Variants in FNIP2 observed in about 807,000 individuals in gnomAD.
FNIP2 encodes the protein folliculin interacting protein 2.
FNIP2 carries 32 observed loss-of-function variants against 108.7 expected under a neutral mutation model. That is an observed-to-expected ratio of 0.29 (90% CI 0.22 to 0.40). The LOEUF is 0.40. FNIP2 is among the 10% of genes least tolerant of loss of function. The pLI is 1.00. For missense variants in FNIP2, 1,202 were observed against 1,381.6 expected, an observed-to-expected ratio of 0.87 and a Z score of 2.06; for synonymous variants, 480 against 496.7, an observed-to-expected ratio of 0.97 and a Z score of 0.45.
Position 158,882,392 on chromosome 4 carries a change from C to T in FNIP2, c.2950-9054C>T, listed in dbSNP as rs546393776. 2.8e-3 allele frequency among the ~76,000 whole-genome samples: 424 copies of T among 150,488 alleles called. 2 individuals carry two copies. The highest frequency in any genetic ancestry group is 9.5e-3 in the African/African-American group (387 of 40,846). On this transcript the variant is annotated intron_variant, in intron 14 of 16. Transcript: ENST00000264433. Reference sequence around the variant, plus strand: ...CCGGGAGGGAGGTGGGGGGCGCCTCCGCCCGGCCACCACCCCGTCCGGGAG... The same window carrying T: ...CCGGGAGGGAGGTGGGGGGCGCCTCTGCCCGGCCACCACCCCGTCCGGGAG...
At chr4:158,784,023 CT>C (rs1004744026) in intron 1 of FNIP2, among the ~76,000 whole-genome samples, 1 of 152,164 alleles carries the variant, frequency 6.6e-6, no homozygotes, top group African/African-American at 2.4e-5. Context: ...TATAAAGTAA[CT>C]TCCAAGTTTT....
chr4:158,899,540 T>G (rs1783012376), intron 16 of FNIP2, among the ~76,000 whole-genome samples: 1 of 152,224 alleles, frequency 6.6e-6, no homozygotes. Context: ...TTGTTATCAG[T>G]CTATTCAGGG....
At chr4:158,882,842 C>T (rs1388573923) in intron 14 of FNIP2, among the ~76,000 whole-genome samples, 1 of 152,106 alleles carries the variant, frequency 6.6e-6, no homozygotes, top group Admixed American at 6.5e-5. Context: ...CTCAAGTACC[C>T]AGGGACACAA....
Position 158,890,350 on chromosome 4 carries a change from T to C in FNIP2, c.2950-1096T>C, listed in dbSNP as rs575413193. 5.9e-4 allele frequency: 581 copies of C among 985,200 alleles called. 2 individuals are homozygous for C. In the African/African-American group the frequency reaches 9.6e-3, roughly 16 times the overall value. The allele number at this position is 985,200 out of a possible 1,614,324, so 61.0% of individuals were successfully genotyped here. ...TTTTTCCTACTATTTTTCCTACTATTCCCCCTTGGATAATAGTAGGAAAAA... is the reference window on the plus strand; with the variant it reads ...TTTTTCCTACTATTTTTCCTACTATCCCCCCTTGGATAATAGTAGGAAAAA... On this transcript the variant is annotated intron_variant, in intron 14 of 16. Coordinates refer to ENST00000264433, the MANE Select transcript of FNIP2 (RefSeq NM_020840.3).
At chr4:158,873,145 TAAAAAAAAAAAA>T in intron 14 of FNIP2, among the ~76,000 whole-genome samples, 1 of 140,134 alleles carries the variant, frequency 7.1e-6, no homozygotes, top group South Asian at 2.3e-4. Context: ...AAAATAGCGT[TAAAAAAAAAAAA>T]AGAAAAAACA....
rs1776752866 is a variant in FNIP2 at position 158,801,241 on chromosome 4, A to T, written c.108-24675A>T. Among the ~76,000 whole-genome samples the T allele has an allele frequency of 3.9e-5, 6 of 151,992 alleles. No homozygotes were observed. In the South Asian group the frequency reaches 1.3e-3, roughly 32 times the overall value. ...CTTGGCTTCTGCACAGGAATTGTTTATAGGGGTGAGTGAGTAGGGCAGGGT... is the reference window on the plus strand; with the variant it reads ...CTTGGCTTCTGCACAGGAATTGTTTTTAGGGGTGAGTGAGTAGGGCAGGGT... On this transcript the variant is annotated intron_variant, in intron 1 of 16. Transcript: ENST00000264433.
At chr4:158,808,582 G>A (rs900802878) in intron 1 of FNIP2, 2 of 152,096 alleles carry the variant, frequency 1.3e-5, no homozygotes, top group African/African-American at 2.4e-5. Flanking sequence ...ATTGTGCTTG[G>A]TTTCCAGAAC....
chr4:158,818,776 A>C (rs1777715534), intron 1 of FNIP2, among the ~76,000 whole-genome samples: 1 of 152,242 alleles, frequency 6.6e-6, no homozygotes, highest in Non-Finnish European at 1.5e-5. Flanking sequence ...TCATAACTTA[A>C]TCTCTGTTTT....
chr4:158,902,327 C>CAAAG (rs1200253710), intron 16 of FNIP2, among the ~76,000 whole-genome samples: 1 of 152,176 alleles, frequency 6.6e-6, no homozygotes, highest in Non-Finnish European at 1.5e-5. Flanking sequence ...TGTAGAACAG[C>CAAAG]AAAGATTGCT....
At chr4:158,789,180 G>T (rs4234925) in intron 1 of FNIP2, among the ~76,000 whole-genome samples, 137,218 of 152,204 alleles carry the variant, frequency 0.9, 62,356 homozygotes, top group Non-Finnish European at 0.96. Flanking sequence ...TAGCGAATAA[G>T]TGCTGTAGAA....
intron 14 of FNIP2, among the ~76,000 whole-genome samples, chr4:158,871,005 A>G (rs572250396): frequency 1.5e-4 from 23 of 152,360 alleles, no homozygotes; most frequent in African/African-American, 5.0e-4. Context: ...TGACAATTAT[A>G]TGCCGTCACG....
chr4:158,872,931 AGAGCT>A (rs1781042904), intron 14 of FNIP2, among the ~76,000 whole-genome samples: 1 of 152,194 alleles, frequency 6.6e-6, no homozygotes, highest in Admixed American at 6.5e-5. Flanking sequence ...GACCAGAGTT[AGAGCT>A]GAAATAATAG....
chr4:158,902,163 G>A (rs2126805138), intron 16 of FNIP2, among the ~76,000 whole-genome samples: 1 of 152,166 alleles, frequency 6.6e-6, no homozygotes, highest in Non-Finnish European at 1.5e-5. Flanking sequence ...ACCTTCGGAT[G>A]GGGTCTCTGA....
chr4:158,826,914 G>A (rs1441525168), intron 2 of FNIP2, among the ~76,000 whole-genome samples: 1 of 152,192 alleles, frequency 6.6e-6, no homozygotes, highest in African/African-American at 2.4e-5. Context: ...AATACTGGCA[G>A]TTTGTAGAAT....
At chr4:158,817,255 T>C (rs578010587) in intron 1 of FNIP2, among the ~76,000 whole-genome samples, 79 of 152,316 alleles carry the variant, frequency 5.2e-4, no homozygotes, top group African/African-American at 1.8e-3. Context: ...CAAAAGAACT[T>C]GTACTTTTCT....
intron 16 of FNIP2, among the ~76,000 whole-genome samples, chr4:158,898,487 A>G (rs941420114): frequency 2.0e-5 from 3 of 152,162 alleles, no homozygotes; most frequent in Non-Finnish European, 4.4e-5. Context: ...ATGTTCTTCC[A>G]TTTATTTGTG....
chr4:158,892,377 C>G (rs555919855), intron 15 of FNIP2, among the ~76,000 whole-genome samples: 1 of 151,984 alleles, frequency 6.6e-6, no homozygotes, highest in Non-Finnish European at 1.5e-5. Flanking sequence ...TCAAGCAATC[C>G]GCTTCTTTCC....
intron 1 of FNIP2, among the ~76,000 whole-genome samples, chr4:158,822,364 A>G (rs1335798392): frequency 6.6e-6 from 1 of 151,460 alleles, no homozygotes; most frequent in Non-Finnish European, 1.5e-5. Flanking sequence ...TTGTATTTTT[A>G]GTAAAGATGG....
At chr4:158,786,541 C>T (rs960212276) in intron 1 of FNIP2, among the ~76,000 whole-genome samples, 2 of 152,146 alleles carry the variant, frequency 1.3e-5, no homozygotes, top group African/African-American at 2.4e-5. Context: ...TCATTCCTTC[C>T]GTTTGCATTT....
Sources: allele counts gnomAD v4.1 joint callset (sites outside exome capture counted in the v4.1 genomes callset), GRCh38; gene constraint gnomAD v4.1.1; transcripts MANE v1.5; gene names NCBI Gene and HGNC (gene_info 2026-07-23, HGNC 2026-07-21).